The following AFF3 variants were observed in gnomAD, a reference collection of about 807,000 sequenced individuals.
AFF3 encodes AF4/FMR2 family member 3.
In AFF3, 32 loss-of-function variants were observed where a neutral mutation model predicts 129.7. The observed-to-expected ratio is 0.25, with a 90% confidence interval of 0.19 to 0.33. AFF3 has a LOEUF of 0.33. Ranked by LOEUF, AFF3 falls within the 10% of genes least tolerant of loss-of-function variation. The pLI is 1.00. For missense variants in AFF3, 1,373 were observed against 1,592.0 expected (o/e 0.86, Z 2.34); for synonymous variants, 644 against 635.4 (o/e 1.01, Z -0.20).
intron 20 of AFF3, 64 bp from the exon 21 acceptor site, chr2:99,560,500 A>G: frequency 6.8e-7 from 1 of 1,478,230 alleles, no homozygotes; most frequent in Non-Finnish European, 9.4e-7. Flanking sequence ...TAGTAAAACT[A>G]GCTTTTTTAT....
intron 14 of AFF3, among the ~76,000 whole-genome samples, chr2:99,595,695 G>A (rs1187301407): frequency 5.3e-5 from 8 of 152,184 alleles, no homozygotes; most frequent in Non-Finnish European, 1.2e-4. Flanking sequence ...CCTCACCCCA[G>A]GCACTGAGGA....
chr2:100,137,813 A>G (rs1692696484), intron 1 of AFF3, among the ~76,000 whole-genome samples: 1 of 152,184 alleles, frequency 6.6e-6, no homozygotes, highest in South Asian at 2.1e-4. Context: ...AGATGTCCAT[A>G]ACATCTATGC....
intron 13 of AFF3, among the ~76,000 whole-genome samples, chr2:99,648,934 C>CTCTCTCTCTCTCTCTCTT (rs138353584): frequency 0.089 from 10,513 of 118,116 alleles, 914 homozygotes; most frequent in Admixed American, 0.13. Flanking sequence ...CTCTCTCTCT[C>CTCTCTCTCTCTCTCTCTT]TCTCCAATCT....
chr2:99,845,195 T>C (rs929441813), intron 7 of AFF3, among the ~76,000 whole-genome samples: 2 of 152,176 alleles, frequency 1.3e-5, no homozygotes, highest in African/African-American at 4.8e-5. Context: ...ATTCCCACAT[T>C]GGTACCTGTA....
chr2:99,758,258 G>A (rs1000742070), intron 8 of AFF3, among the ~76,000 whole-genome samples: 1 of 152,036 alleles, frequency 6.6e-6, no homozygotes, highest in Non-Finnish European at 1.5e-5. Flanking sequence ...CTCAATTTTC[G>A]TAATTCAGAA....
At chr2:99,732,041 C>T (rs1410876513) in intron 10 of AFF3, among the ~76,000 whole-genome samples, 2 of 152,174 alleles carry the variant, frequency 1.3e-5, no homozygotes, top group Non-Finnish European at 2.9e-5. Flanking sequence ...TCTCTTCCCA[C>T]CCTTCCCACC....
intron 11 of AFF3, among the ~76,000 whole-genome samples, chr2:99,678,959 G>A (rs755273058): frequency 4.6e-5 from 7 of 152,180 alleles, no homozygotes; most frequent in Non-Finnish European, 8.8e-5. Flanking sequence ...TCTTCTCAGC[G>A]TTTGTTCGGA....
intron 4 of AFF3, among the ~76,000 whole-genome samples, chr2:100,083,971 G>A (rs1689232025): frequency 6.6e-6 from 1 of 152,126 alleles, no homozygotes; most frequent in Non-Finnish European, 1.5e-5. Flanking sequence ...AAGCCACAAA[G>A]TTCTATGACT....
At chr2:99,576,685 C>T (rs1046658361) in intron 18 of AFF3, among the ~76,000 whole-genome samples, 1 of 152,074 alleles carries the variant, frequency 6.6e-6, no homozygotes, top group Non-Finnish European at 1.5e-5. Context: ...TCAAAACCAC[C>T]CACTGCAAGT....
chr2:99,721,230 T>C (rs567999819), intron 11 of AFF3, among the ~76,000 whole-genome samples: 1 of 152,258 alleles, frequency 6.6e-6, no homozygotes, highest in South Asian at 2.1e-4. Flanking sequence ...AAGGATATTT[T>C]TGATTATTTA....
intron 17 of AFF3, among the ~76,000 whole-genome samples, chr2:99,582,300 T>C (rs954624336): frequency 6.6e-6 from 1 of 152,164 alleles, no homozygotes; most frequent in Non-Finnish European, 1.5e-5. Flanking sequence ...AGTCCCCTGC[T>C]CTTCCCCTGG....
intron 13 of AFF3, among the ~76,000 whole-genome samples, chr2:99,642,170 C>T (rs146696567): frequency 1.6e-4 from 25 of 152,316 alleles, no homozygotes; most frequent in African/African-American, 5.1e-4. Context: ...GAGCCAGAGG[C>T]TATCTGGCCC....
At chr2:100,110,084 CA>C (rs1391316037) in intron 2 of AFF3, 3 of 152,222 alleles carry the variant, frequency 2.0e-5, no homozygotes, top group Non-Finnish European at 4.4e-5. Context: ...TCTCTAGCCT[CA>C]ACGTCTTCCT....
intron 7 of AFF3, among the ~76,000 whole-genome samples, chr2:99,959,696 CATATATATAT>C (rs58551565): frequency 1.1e-4 from 15 of 138,084 alleles, no homozygotes; most frequent in East Asian, 2.2e-4. Context: ...TAGTGTATAG[CATATATATAT>C]ATATATATAT....
chr2:100,051,303 G>C (rs376329782), intron 4 of AFF3, among the ~76,000 whole-genome samples: 1 of 152,132 alleles, frequency 6.6e-6, no homozygotes, highest in Non-Finnish European at 1.5e-5. Flanking sequence ...TGGAGAATAC[G>C]AGCTGAGCCC....
intron 8 of AFF3, among the ~76,000 whole-genome samples, chr2:99,760,736 T>A (rs938619711): frequency 2.0e-5 from 3 of 152,146 alleles, no homozygotes; most frequent in Admixed American, 2.0e-4. Flanking sequence ...AAATGTAATG[T>A]TTAAAGCCAC....
intron 11 of AFF3, among the ~76,000 whole-genome samples, chr2:99,683,964 T>TCTGTATCTCCTA (rs1387519038): frequency 6.6e-6 from 1 of 152,186 alleles, no homozygotes; most frequent in Non-Finnish European, 1.5e-5. Flanking sequence ...GTTTTATTCT[T>TCTGTATCTCCTA]CAGTCTGTAG....
At chr2:99,660,881 T>C (rs982407254) in intron 12 of AFF3, among the ~76,000 whole-genome samples, 2 of 152,214 alleles carry the variant, frequency 1.3e-5, no homozygotes, top group African/African-American at 4.8e-5. Flanking sequence ...TGATCACACA[T>C]GATTTTTCTC....
chr2:99,569,754 C>T (rs1309989677), intron 18 of AFF3, among the ~76,000 whole-genome samples: 1 of 152,140 alleles, frequency 6.6e-6, no homozygotes, highest in Non-Finnish European at 1.5e-5. Flanking sequence ...GCAGCATAAA[C>T]TTTATATAAT....
Sources: gnomAD v4.1 joint callset for allele counts (sites outside exome capture counted in the v4.1 genomes callset) on GRCh38, gnomAD v4.1.1 for gene constraint, MANE v1.5 for transcripts, NCBI Gene and HGNC (gene_info 2026-07-23, HGNC 2026-07-21) for gene names.